DNAH7: variants seen among roughly 807,000 people sequenced by gnomAD.
DNAH7 encodes dynein axonemal heavy chain 7, also known as axonemal beta dynein heavy chain 7.
A neutral mutation model predicts 444.6 loss-of-function variants in DNAH7; 397 were observed. The ratio of observed to expected loss-of-function variants is 0.89; its 90% CI spans 0.82 to 0.97. The LOEUF is 0.97. DNAH7 is among the 50% of genes least tolerant of loss of function. The pLI is 0.00. For synonymous variants in DNAH7, 1,636 were observed against 1,624.4 expected (o/e 1.01, Z -0.17); for missense variants, 4,902 against 4,800.8 (o/e 1.02, Z -0.62).
At position 195,922,119 on chromosome 2, in the gene DNAH7, C is replaced by A. The variant is rs1422369656; in HGVS notation, c.3904G>T (p.Val1302Phe). The A allele has an allele frequency of 1.2e-6, 2 of 1,611,926 alleles. No individual in the cohort carries two copies. The highest frequency in any genetic ancestry group is 2.2e-5 in the East Asian group (1 of 44,844). ...YEYLGNSPRLVITPLTDRCYR... is the reference protein window; with the variant it reads ...YEYLGNSPRLFITPLTDRCYR... ...CATCTATCCGTGAGTGGTGTAATAA[C>A]CAGCCTAGGGGAATTACCCAGATAT... Residue 1302 changes from valine (V) to phenylalanine (F), a missense_variant, in exon 24 of 65, where the codon GTT becomes TTT. Val to Phe is a conservative substitution (Grantham distance 50). Transcript: ENST00000312428.
chr2:195,791,517 A>G (rs995824325), intron 57 of DNAH7, among the ~76,000 whole-genome samples: 1 of 152,084 alleles, frequency 6.6e-6, no homozygotes, highest in African/African-American at 2.4e-5. Context: ...AAATAACTTA[A>G]AACAGAACAA....
At chr2:195,991,551 T>C (rs1047969470) in intron 12 of DNAH7, among the ~76,000 whole-genome samples, 4 of 152,256 alleles carry the variant, frequency 2.6e-5, no homozygotes, top group Non-Finnish European at 5.9e-5. Flanking sequence ...ACAAATTAGT[T>C]GCTATTTTTG....
intron 35 of DNAH7, among the ~76,000 whole-genome samples, chr2:195,883,505 G>A (rs920574153): frequency 2.0e-5 from 3 of 150,806 alleles, no homozygotes; most frequent in Admixed American, 1.3e-4. Flanking sequence ...GTTATTTAGA[G>A]GTTGTGTGAT....
intron 10 of DNAH7, among the ~76,000 whole-genome samples, chr2:196,012,343 G>C (rs899655496): frequency 7.2e-5 from 11 of 152,134 alleles, no homozygotes; most frequent in African/African-American, 2.7e-4. Context: ...CTGCCTTCTA[G>C]TGAGATTTTT....
chr2:196,064,129 A>G (rs1472597850), intron 1 of DNAH7, among the ~76,000 whole-genome samples: 1 of 152,122 alleles, frequency 6.6e-6, no homozygotes, highest in African/African-American at 2.4e-5. Context: ...AGCCTGGCCA[A>G]TATGGTGAAA....
chr2:196,048,555 C>T, intron 3 of DNAH7, 151 bp from the exon 4 acceptor site: 1 of 665,418 alleles, frequency 1.5e-6, no homozygotes, highest in Non-Finnish European at 2.5e-6. Flanking sequence ...TTATTCAAGC[C>T]TGTGAATGGT....
At chr2:195,769,615 G>A (rs1218121770) in intron 61 of DNAH7, among the ~76,000 whole-genome samples, 1 of 151,912 alleles carries the variant, frequency 6.6e-6, no homozygotes, top group African/African-American at 2.4e-5. Flanking sequence ...GGGTAAAGGT[G>A]TTAGGACCCA....
chr2:195,973,911 C>T (rs763488678), intron 15 of DNAH7, among the ~76,000 whole-genome samples: 6 of 152,006 alleles, frequency 3.9e-5, no homozygotes, highest in Non-Finnish European at 5.9e-5. Context: ...CCCGTCTCTA[C>T]TAAAAATATA....
chr2:195,786,549 A>G (rs992695056), intron 58 of DNAH7, among the ~76,000 whole-genome samples: 1 of 151,806 alleles, frequency 6.6e-6, no homozygotes, highest in Non-Finnish European at 1.5e-5. Context: ...ACCCCAGGTT[A>G]ACACCAATGG....
chr2:195,979,835 C>T (rs1692445634), intron 15 of DNAH7, among the ~76,000 whole-genome samples: 1 of 151,844 alleles, frequency 6.6e-6, no homozygotes. Context: ...CTAAAGACAA[C>T]TATATCCCAA....
At chr2:195,822,450 A>T (rs1697516544) in intron 49 of DNAH7, among the ~76,000 whole-genome samples, 1 of 152,196 alleles carries the variant, frequency 6.6e-6, no homozygotes, top group Non-Finnish European at 1.5e-5. Context: ...ATTTAGACTC[A>T]AAAGGATTAT....
intron 53 of DNAH7, among the ~76,000 whole-genome samples, chr2:195,807,921 T>C (rs1199373794): frequency 6.6e-6 from 1 of 152,180 alleles, no homozygotes; most frequent in Non-Finnish European, 1.5e-5. Context: ...AGACATAATC[T>C]CATTCTCACA....
At chr2:195,786,181 C>A (rs1026355543) in intron 58 of DNAH7, among the ~76,000 whole-genome samples, 2 of 152,144 alleles carry the variant, frequency 1.3e-5, no homozygotes, top group Admixed American at 1.3e-4. Context: ...GAATCCAATG[C>A]CTTCCTGTTT....
chr2:195,866,632 T>C (rs1700357991), intron 40 of DNAH7, among the ~76,000 whole-genome samples: 1 of 152,266 alleles, frequency 6.6e-6, no homozygotes, highest in Non-Finnish European at 1.5e-5. Flanking sequence ...TCAACACATC[T>C]GCATTAAAAT....
At chr2:195,893,838 T>A (rs1407891430) in intron 30 of DNAH7, 2 of 152,238 alleles carry the variant, frequency 1.3e-5, no homozygotes, top group Admixed American at 6.5e-5. Context: ...CATGCTCATA[T>A]CTTCATCTCC....
chr2:196,036,224 G>C (rs1287765980), intron 5 of DNAH7, among the ~76,000 whole-genome samples: 1 of 152,004 alleles, frequency 6.6e-6, no homozygotes, highest in Non-Finnish European at 1.5e-5. Context: ...AGTAGGGACA[G>C]GGTTTCGCCA....
chr2:195,796,478 G>A lies in DNAH7; in HGVS notation c.10515+98C>T, dbSNP rs566563082. On this transcript the variant is annotated intron_variant, in intron 56 of 64. Transcript: ENST00000312428. ...TCCAGCCAAAGCACTAACCTGCAAC[G>A]CTCCAAATTAGAGGGGAATGGAGCT... The A allele has an allele frequency of 1.7e-4, 236 of 1,376,402 alleles. 1 individual carries two copies. Among genetic ancestry groups the A allele is most frequent in the African/African-American group, 4.0e-4 (28 of 69,242 alleles). 85.3% of individuals were successfully genotyped at this position (1,376,402 alleles called of 1,614,324 possible). A position where few individuals can be genotyped will look rare whatever the true frequency, so the allele number is the denominator to read the frequency against.
chr2:196,039,683 C>T (rs1209219218), intron 5 of DNAH7, among the ~76,000 whole-genome samples: 1 of 151,044 alleles, frequency 6.6e-6, no homozygotes, highest in African/African-American at 2.4e-5. Context: ...CCTGTTATCT[C>T]AGCTACTTAG....
intron 51 of DNAH7, among the ~76,000 whole-genome samples, chr2:195,813,544 C>A (rs1697074520): frequency 6.6e-6 from 1 of 152,290 alleles, no homozygotes; most frequent in South Asian, 2.1e-4. Flanking sequence ...TACCTCCTGT[C>A]ATACAGATAC....
Sources: gnomAD v4.1 joint callset for allele counts (sites outside exome capture counted in the v4.1 genomes callset) on GRCh38, gnomAD v4.1.1 for gene constraint, MANE v1.5 for transcripts, NCBI Gene and HGNC (gene_info 2026-07-23, HGNC 2026-07-21) for gene names.